SOS1: variants seen among roughly 807,000 people sequenced by gnomAD.
SOS1 encodes the protein SOS Ras/Rac guanine nucleotide exchange factor 1, also known as son of sevenless homolog 1.
In SOS1, 25 loss-of-function variants were observed where a neutral mutation model predicts 157.6. That is an observed-to-expected ratio of 0.16 (90% CI 0.12 to 0.22). The LOEUF (loss-of-function observed/expected upper bound fraction) is 0.22, where lower values mean the gene tolerates loss of function less well. Ranked by LOEUF, SOS1 falls within the 10% of genes least tolerant of loss-of-function variation. SOS1 has a pLI of 1.00. For synonymous variants in SOS1, 528 were observed against 534.0 expected (o/e 0.99, Z 0.16); for missense variants, 1,237 against 1,599.1 (o/e 0.77, Z 3.86).
chr2:39,081,047 G>A (rs773689300), intron 1 of SOS1, among the ~76,000 whole-genome samples: 1 of 151,724 alleles, frequency 6.6e-6, no homozygotes, highest in African/African-American at 2.4e-5. Context: ...AAAAAAATTA[G>A]CTGGGTTTGG....
chr2:39,077,656 T>G (rs543663352), intron 1 of SOS1, among the ~76,000 whole-genome samples: 1 of 152,068 alleles, frequency 6.6e-6, no homozygotes, highest in Non-Finnish European at 1.5e-5. Flanking sequence ...ACCACCGTAA[T>G]GGAGAGCTTG....
intron 20 of SOS1, chr2:38,993,915 T>C (rs1668812525): frequency 6.6e-6 from 1 of 152,172 alleles, no homozygotes; most frequent in African/African-American, 2.4e-5. Context: ...TTTGATTTAA[T>C]AACGAACAAA....
At chr2:39,022,225 G>C (rs1219419732) in intron 10 of SOS1, among the ~76,000 whole-genome samples, 2 of 151,222 alleles carry the variant, frequency 1.3e-5, no homozygotes, top group South Asian at 4.2e-4. Context: ...AATGGAAAAA[G>C]AAGAAAGAAA....
chr2:39,085,156 C>T (rs1672328723), intron 1 of SOS1, among the ~76,000 whole-genome samples: 1 of 152,156 alleles, frequency 6.6e-6, no homozygotes. Flanking sequence ...AGTGATTCTC[C>T]CACCTCAGCC....
At chr2:39,107,180 C>T (rs963615701) in intron 1 of SOS1, among the ~76,000 whole-genome samples, 1 of 151,894 alleles carries the variant, frequency 6.6e-6, no homozygotes, top group African/African-American at 2.4e-5. Context: ...AATTCATAGC[C>T]AGAGATGACC....
intron 1 of SOS1, among the ~76,000 whole-genome samples, chr2:39,117,836 C>T (rs754123681): frequency 2.0e-5 from 3 of 152,120 alleles, no homozygotes; most frequent in African/African-American, 4.8e-5. Flanking sequence ...CACAGTAATA[C>T]AAAGAAGCCA....
rs943054631 is a variant in SOS1 at position 38,987,718 on chromosome 2, A to G, written c.3392-127T>C. 1.2e-5 allele frequency: 8 copies of G among 672,766 alleles called. 1 individual carries two copies. Among genetic ancestry groups the G allele is most frequent in the South Asian group, 1.1e-4 (7 of 62,080 alleles). 41.7% of individuals were successfully genotyped at this position (672,766 alleles called of 1,614,324 possible). On this transcript the variant is annotated intron_variant, in intron 21 of 22. Transcript: ENST00000402219. ...GTGTAGAAATACCAAAAGCTGTTCA[A>G]TAAACCAATACCGAATAGTATTTCA...
At chr2:39,108,307 C>G (rs755088279) in intron 1 of SOS1, among the ~76,000 whole-genome samples, 9 of 152,188 alleles carry the variant, frequency 5.9e-5, no homozygotes, top group Non-Finnish European at 1.0e-4. Context: ...ATGCTCCATA[C>G]AGTCTACAGC....
intron 1 of SOS1, among the ~76,000 whole-genome samples, chr2:39,095,941 T>C (rs1053975913): frequency 6.6e-6 from 1 of 152,240 alleles, no homozygotes; most frequent in African/African-American, 2.4e-5. Flanking sequence ...GCATTTTCTA[T>C]GCATTTTACA....
intron 1 of SOS1, among the ~76,000 whole-genome samples, chr2:39,085,570 A>G (rs559809046): frequency 5.9e-5 from 9 of 152,344 alleles, no homozygotes; most frequent in East Asian, 1.9e-4. Flanking sequence ...AACCAAAGCC[A>G]TAACAAGCAA....
At chr2:39,068,589 A>G (rs539965984) in intron 1 of SOS1, among the ~76,000 whole-genome samples, 1 of 152,362 alleles carries the variant, frequency 6.6e-6, no homozygotes, top group South Asian at 2.1e-4. Flanking sequence ...TTGTGAACAC[A>G]AAGTCACCCT....
chr2:39,124,835 C>CTAT (rs1558525791), upstream of SOS1, among the ~76,000 whole-genome samples: 1 of 152,172 alleles, frequency 6.6e-6, no homozygotes, highest in Non-Finnish European at 1.5e-5. Flanking sequence ...CTGTCTCCTG[C>CTAT]TATTCAGAAT....
rs1253089461 is a variant in SOS1 at position 38,986,044 on chromosome 2, G to A, written c.3782C>T (p.Pro1261Leu). Residue 1261 changes from proline (P) to leucine (L), a missense_variant, in exon 23 of 23, where the codon CCT becomes CTT. By Grantham distance (98) the Pro-to-Leu change is moderately conservative. Around this residue, in one of 15 missense-constraint regions of SOS1, gnomAD observed 306 missense variants for 322.6 expected, o/e 0.95. Transcript: ENST00000402219. ...TGTGCCGTGAGGAGAAGGTGTTTGA[G>A]GAGGAGGTGGTGTAAAGGGGGAAGG... ...NSPSPFTPPP[P>L]QTPSPHGTRR... 6.2e-7 allele frequency: 1 copy of A among 1,613,966 alleles called. No homozygotes were observed. Among genetic ancestry groups the A allele is most frequent in the Admixed American group, 1.7e-5 (1 of 59,980 alleles).
chr2:39,063,810 G>A (rs1487756993), intron 2 of SOS1, among the ~76,000 whole-genome samples: 1 of 152,000 alleles, frequency 6.6e-6, no homozygotes, highest in Non-Finnish European at 1.5e-5. Context: ...TTAAAGCAAA[G>A]TGTATTCTTT....
intron 5 of SOS1, among the ~76,000 whole-genome samples, chr2:39,052,402 C>T (rs1329644501): frequency 6.6e-6 from 1 of 152,112 alleles, no homozygotes; most frequent in African/African-American, 2.4e-5. Flanking sequence ...TAACCATCGG[C>T]ACAATCAAGA....
At chr2:39,078,881 G>A (rs1307506070) in intron 1 of SOS1, among the ~76,000 whole-genome samples, 2 of 151,942 alleles carry the variant, frequency 1.3e-5, no homozygotes, top group Admixed American at 6.6e-5. Context: ...CCAACATGGT[G>A]AAACCCTGTC....
At chr2:39,033,323 G>A (rs1572839614) in intron 8 of SOS1, among the ~76,000 whole-genome samples, 1 of 151,602 alleles carries the variant, frequency 6.6e-6, no homozygotes, top group African/African-American at 2.4e-5. Context: ...GCAGTAATAC[G>A]AACAAGGGAT....
intron 22 of SOS1, 38 bp from the exon 23 acceptor site, chr2:38,986,353 AAATT>A (rs1668561095): frequency 6.5e-7 from 1 of 1,539,394 alleles, no homozygotes; most frequent in Non-Finnish European, 8.9e-7. Context: ...ATTTATTAAT[AAATT>A]TATGAAGTAT....
chr2:39,120,322 C>T lies in SOS1; in HGVS notation c.87+14G>A, dbSNP rs1376318730. ...GGGCTGCGGCCGGGAAGCGGGGTCC[C>T]GCGTGCTCCTCACCTTTTTCAGCGC... On this transcript the variant is annotated intron_variant, in intron 1 of 22. Transcript: ENST00000402219. The T allele has an allele frequency of 3.8e-6, 6 of 1,567,514 alleles. No individual in the cohort carries two copies. The highest frequency in any genetic ancestry group is 1.7e-5 in the Admixed American group (1 of 57,508).
Sources: allele counts gnomAD v4.1 joint callset (sites outside exome capture counted in the v4.1 genomes callset), GRCh38; gene constraint gnomAD v4.1.1; regional missense constraint gnomAD v4.1.1; transcripts MANE v1.5; gene names NCBI Gene and HGNC (gene_info 2026-07-23, HGNC 2026-07-21).